Variants in DNAH1 observed in about 807,000 individuals in gnomAD.
DNAH1 encodes the protein dynein axonemal heavy chain 1, also known as axonemal beta dynein heavy chain 1.
In DNAH1, 327 loss-of-function variants were observed where a neutral mutation model predicts 484.3. The observed-to-expected ratio is 0.68, with a 90% CI of 0.62 to 0.74. The LOEUF is 0.74. DNAH1 is among the 30% of genes least tolerant of loss of function. The probability of loss-of-function intolerance (pLI) is 0.00; values close to 1 mark genes in which losing one functional copy is unlikely to be tolerated. For synonymous variants in DNAH1, 2,192 were observed against 2,191.9 expected (o/e 1.00, Z 0.00); for missense variants, 5,052 against 5,546.8 (o/e 0.91, Z 2.83).
In DNAH1 at chr3:52,344,580, T is replaced by C; in HGVS notation, c.1377T>C (p.Ser459=). ...AGATCAACTTTGACCACGTTGTCTC[T>C]TCCAAGCCCGAGACCTTCTCCTACG... is the stretch of plus-strand genomic sequence containing the variant. ...MNKINFDHVV[S]SKPETFSYVT... The change falls in exon 9 of 78, where the codon TCT becomes TCC. Residue 459 remains serine, a synonymous_variant. Coordinates refer to ENST00000420323, the MANE Select transcript of DNAH1 (RefSeq NM_015512.5). 1 of 1,613,684 alleles carries C rather than the reference T, an allele frequency of 6.2e-7. No homozygotes were observed. Among genetic ancestry groups the C allele is most frequent in the Non-Finnish European group, 8.5e-7 (1 of 1,179,588 alleles).
At position 52,361,940 on chromosome 3, in the gene DNAH1, G is replaced by T. The variant is rs539073492; in HGVS notation, c.4980+174G>T. On this transcript the variant is annotated intron_variant, in intron 30 of 77. Coordinates refer to ENST00000420323, the MANE Select transcript of DNAH1 (RefSeq NM_015512.5). The surrounding 1 kb of genome is among the most constrained non-coding windows in gnomAD (Gnocchi z 5.6). ...TGGGCAGCTCCCAGGCCAAGCTGCG[G>T]GGGATGAAGGGGTCCCCTCCTCATT... is the stretch of plus-strand genomic sequence containing the variant. Among the ~76,000 whole-genome samples the T allele has an allele frequency of 6.6e-5, 10 of 152,332 alleles. No individual in the cohort carries two copies. The highest frequency in any genetic ancestry group is 2.2e-4 in the African/African-American group (9 of 41,584).
chr3:52,357,303 C>T (rs1191503556), intron 22 of DNAH1, among the ~76,000 whole-genome samples: 2 of 152,198 alleles, frequency 1.3e-5, no homozygotes, highest in Non-Finnish European at 2.9e-5. Flanking sequence ...ATCTACCTGC[C>T]TCAGCCTCCC....
chr3:52,390,153 T>C (rs1194107823), intron 60 of DNAH1, among the ~76,000 whole-genome samples: 1 of 151,058 alleles, frequency 6.6e-6, no homozygotes, highest in Admixed American at 6.6e-5. Context: ...TGGGTGGAGG[T>C]TGAGAAACAG....
At chr3:52,350,381 T>G (rs1001703960) in intron 15 of DNAH1, 127 bp from the exon 16 acceptor site, 6 of 1,023,354 alleles carry the variant, frequency 5.9e-6, no homozygotes, top group Admixed American at 4.1e-5. Flanking sequence ...CCTCCTCCCC[T>G]GGCCCAGACC....
In DNAH1 at chr3:52,393,623, T is replaced by G. The variant is rs900169661; in HGVS notation, c.10626+138T>G. The G allele has an allele frequency of 6.8e-6, 9 of 1,327,850 alleles. No individual in the cohort carries two copies. The African/African-American group carries it at 1.0e-4, about 15-fold the overall frequency. The allele number at this position is 1,327,850 out of a possible 1,614,324, so 82.3% of individuals were successfully genotyped here. A position where few individuals can be genotyped will look rare whatever the true frequency, so the allele number is the denominator to read the frequency against. On this transcript the variant is annotated intron_variant, in intron 66 of 77. Transcript: ENST00000420323. The stretch of plus-strand genomic sequence containing the variant: ...GTGGCAGAGGAAACAATTCCTTGAT[T>G]AAAAGCAGCCAGGGCCGGGCACGGT...
chr3:52,373,257 C>T (rs1374659235), intron 44 of DNAH1, among the ~76,000 whole-genome samples: 1 of 147,586 alleles, frequency 6.8e-6, no homozygotes, highest in Non-Finnish European at 1.5e-5. Context: ...CTCTGGAAGC[C>T]TGGAAAAGGG....
At position 52,332,150 on chromosome 3, in the gene DNAH1, C is replaced by A. The variant is rs745999185; in HGVS notation, c.1042C>A (p.Pro348Thr). 1.3e-6 allele frequency: 2 copies of A among 1,558,224 alleles called. No homozygotes were observed. The highest frequency in any genetic ancestry group is 1.7e-6 in the Non-Finnish European group (2 of 1,149,442). ...TCTCACCCGGCCCCCAGGAAGGCCA[C>A]CCCTTCAGGTCTGTCAGTACTGGGT... ...NAGVTTEGRP[P>T]LQVCQYWVPR... The change falls in exon 8 of 78, where the codon CCC becomes ACC. Residue 348 changes from proline (P) to threonine (T), a missense_variant. By Grantham distance (38) the Pro-to-Thr change is conservative. Coordinates refer to ENST00000420323, the MANE Select transcript of DNAH1 (RefSeq NM_015512.5).
chr3:52,374,598 C>A lies in DNAH1; in HGVS notation c.6986-642C>A, dbSNP rs1703502102. 8.7e-6 allele frequency: 13 copies of A among 1,500,206 alleles called. No individual in the cohort carries two copies. In the South Asian group the frequency reaches 1.4e-4, roughly 16 times the overall value. 92.9% of individuals were successfully genotyped at this position (1,500,206 alleles called of 1,614,324 possible). On this transcript the variant is annotated intron_variant, in intron 44 of 77. Coordinates refer to ENST00000420323, the MANE Select transcript of DNAH1 (RefSeq NM_015512.5). ...ACACTTCCAGGTGGCAGAGCGAGCT[C>A]TCTATTACTGGAATAATGAATACAT...
At chr3:52,346,288 C>T (rs1369720130) in intron 10 of DNAH1, among the ~76,000 whole-genome samples, 184 bp from the exon 11 acceptor site, 1 of 152,206 alleles carries the variant, frequency 6.6e-6, no homozygotes, top group African/African-American at 2.4e-5. Flanking sequence ...CAGCTCTGGG[C>T]CCCCAGGGTC....
chr3:52,381,920 A>G lies in DNAH1; in HGVS notation c.7805+84A>G. 2 of 1,433,488 alleles carry G rather than the reference A, an allele frequency of 1.4e-6. No homozygotes were observed. Among genetic ancestry groups the G allele is most frequent in the Non-Finnish European group, 1.9e-6 (2 of 1,071,674 alleles). 88.8% of individuals were successfully genotyped at this position (1,433,488 alleles called of 1,614,324 possible). ...CTGACCCATGCTTTTGCACAGTGGT[A>G]GAGGCCTCGGGCAACCCTGAAGTAG... On this transcript the variant is annotated intron_variant, in intron 49 of 77. Transcript: ENST00000420323. The surrounding 1 kb of genome is among the most constrained non-coding windows in gnomAD (Gnocchi z 4.1).
intron 45 of DNAH1, 141 bp downstream of exon 45, chr3:52,375,554 G>GCCAAAGATCACACAGC: frequency 1.1e-6 from 1 of 904,622 alleles, no homozygotes; most frequent in Non-Finnish European, 1.7e-6. Flanking sequence ...TCACTCAGCT[G>GCCAAAGATCACACAGC]TGTGATCTTT....
At chr3:52,396,299 G>C in intron 70 of DNAH1, 69 bp from the exon 71 acceptor site, 1 of 1,499,274 alleles carries the variant, frequency 6.7e-7, no homozygotes, top group Non-Finnish European at 9.0e-7. Context: ...CCCTGGGCAG[G>C]AGGGAGCCTG....
chr3:52,331,948 G>A (rs899408348), intron 7 of DNAH1, among the ~76,000 whole-genome samples, 194 bp from the exon 8 acceptor site: 14 of 152,124 alleles, frequency 9.2e-5, no homozygotes, highest in African/African-American at 2.7e-4. Context: ...TTTCACATCC[G>A]TCCATGACAC....
intron 44 of DNAH1, chr3:52,373,655 T>C: frequency 2.1e-6 from 3 of 1,405,520 alleles, no homozygotes; most frequent in Non-Finnish European, 3.0e-6. Context: ...CCTTAAAAGA[T>C]GTTCCTCCTG....
rs185932666 is a variant in DNAH1 at position 52,349,897 on chromosome 3, T to C, written c.2527-92T>C. On this transcript the variant is annotated intron_variant, in intron 14 of 77. Coordinates refer to ENST00000420323, the MANE Select transcript of DNAH1 (RefSeq NM_015512.5). ...TTGTGGTGGAGGGGACAGTTACCTG[T>C]CGGGAGATGCTGGAGACCAAGGAGG... 29 of 1,495,324 alleles carry C rather than the reference T, an allele frequency of 1.9e-5. No homozygotes were observed. In the East Asian group the frequency reaches 7.0e-4, roughly 36 times the overall value. The allele number at this position is 1,495,324 out of a possible 1,614,324, so 92.6% of individuals were successfully genotyped here.
the DNAH1 span, among the ~76,000 whole-genome samples, chr3:52,311,024 T>A: frequency 7.9e-5 from 12 of 152,196 alleles, no homozygotes; most frequent in African/African-American, 1.7e-4. Context: ...GAGGGTTGAC[T>A]GTTTCTACAC....
chr3:52,347,777 C>CAGGCCTCCT, intron 11 of DNAH1, 47 bp from the exon 12 acceptor site: 1 of 1,504,044 alleles, frequency 6.6e-7, no homozygotes, highest in Non-Finnish European at 8.9e-7. Flanking sequence ...CTCCTGCACA[C>CAGGCCTCCT]AGGCCTCCTA....
intron 16 of DNAH1, 132 bp downstream of exon 16, chr3:52,350,722 C>A: frequency 1.1e-6 from 1 of 880,948 alleles, no homozygotes. Context: ...ACTGAGATTT[C>A]AGAGGCCAGG....
At chr3:52,386,419 T>C in intron 55 of DNAH1, 74 bp downstream of exon 55, 1 of 1,468,056 alleles carries the variant, frequency 6.8e-7, no homozygotes, top group Non-Finnish European at 9.1e-7. Flanking sequence ...GCACATCCCC[T>C]GGGACCCAGC....
Sources: gnomAD v4.1 joint callset for allele counts (sites outside exome capture counted in the v4.1 genomes callset) on GRCh38, gnomAD v4.1.1 for gene constraint, Gnocchi (gnomAD v3.1) non-coding constraint, MANE v1.5 for transcripts, NCBI Gene and HGNC (gene_info 2026-07-23, HGNC 2026-07-21) for gene names.